GPHN: variants seen among roughly 807,000 people sequenced by gnomAD.
The protein encoded by GPHN is gephyrin.
GPHN carries 17 observed loss-of-function variants against 95.5 expected under a neutral mutation model. That is an observed-to-expected ratio of 0.18 (90% CI 0.12 to 0.27). The LOEUF is 0.27. Ranked by LOEUF, GPHN falls within the 10% of genes least tolerant of loss-of-function variation. The pLI is 1.00. For missense variants in GPHN, 660 were observed against 978.1 expected (o/e 0.67, Z 4.34); for synonymous variants, 320 against 322.5 (o/e 0.99, Z 0.08).
At chr14:67,464,834 G>GA in the GPHN span, among the ~76,000 whole-genome samples, 2 of 152,136 alleles carry the variant, frequency 1.3e-5, no homozygotes, top group Non-Finnish European at 2.9e-5. Context: ...TTTCAACCTG[G>GA]AGTGCCTGCT....
At chr14:66,620,295 G>GT (rs1412901853) in intron 1 of GPHN, among the ~76,000 whole-genome samples, 17 of 152,118 alleles carry the variant, frequency 1.1e-4, no homozygotes, top group African/African-American at 3.4e-4. Flanking sequence ...GTAAACTAAT[G>GT]TATTAGTCCA....
chr14:67,241,015 A>T, the GPHN span: 2 of 152,232 alleles, frequency 1.3e-5, no homozygotes, highest in Non-Finnish European at 2.9e-5. Flanking sequence ...GAGCCAAGGG[A>T]TGTAGAAACC....
chr14:67,448,634 G>T, the GPHN span, among the ~76,000 whole-genome samples: 1 of 152,066 alleles, frequency 6.6e-6, no homozygotes. Context: ...GAGGGATGGT[G>T]GGGGGCTGTG....
chr14:67,475,769 C>G, the GPHN span, among the ~76,000 whole-genome samples: 562 of 152,278 alleles, frequency 3.7e-3, 6 homozygotes, highest in African/African-American at 0.013. Context: ...CTTCAACGCC[C>G]GGCTCCCATG....
At chr14:67,392,761 C>T in the GPHN span, 1 of 1,613,914 alleles carries the variant, frequency 6.2e-7, no homozygotes, top group South Asian at 1.1e-5. Flanking sequence ...TGAGGAAGTT[C>T]TCCTCCATGA....
At chr14:66,693,151 C>T (rs2067889192) in intron 2 of GPHN, among the ~76,000 whole-genome samples, 1 of 151,988 alleles carries the variant, frequency 6.6e-6, no homozygotes. Context: ...TTATAAATCT[C>T]TATAATCTCT....
intron 1 of GPHN, among the ~76,000 whole-genome samples, chr14:66,554,274 G>A (rs1364808004): frequency 1.3e-5 from 2 of 152,210 alleles, no homozygotes; most frequent in Non-Finnish European, 2.9e-5. Context: ...AGACAAGTAG[G>A]ACTGTGGCTT....
chr14:67,199,879 G>C, the GPHN span: 1 of 1,491,706 alleles, frequency 6.7e-7, no homozygotes, highest in African/African-American at 1.4e-5. Context: ...TGCAGGACAT[G>C]GCCCCCCATC....
chr14:66,972,995 T>C (rs2069924048), intron 9 of GPHN, among the ~76,000 whole-genome samples: 1 of 152,216 alleles, frequency 6.6e-6, no homozygotes, highest in South Asian at 2.1e-4. Flanking sequence ...AAAATAATTT[T>C]GACTTTGTCA....
the GPHN span, chr14:67,199,941 C>G: frequency 2.9e-6 from 4 of 1,388,830 alleles, no homozygotes; most frequent in Non-Finnish European, 3.9e-6. Flanking sequence ...CCCAAGCTCA[C>G]CCATTCCCAC....
the GPHN span, among the ~76,000 whole-genome samples, chr14:67,450,314 G>A: frequency 6.6e-6 from 1 of 152,154 alleles, no homozygotes; most frequent in Non-Finnish European, 1.5e-5. Flanking sequence ...GTAGAGTGGG[G>A]CACTGCTGAA....
At chr14:67,306,026 G>C in the GPHN span, among the ~76,000 whole-genome samples, 3 of 152,262 alleles carry the variant, frequency 2.0e-5, no homozygotes, top group East Asian at 5.8e-4. Flanking sequence ...GAGGCAAGCA[G>C]TGGCACCATC....
the GPHN span, among the ~76,000 whole-genome samples, chr14:67,445,588 T>C: frequency 7.7e-6 from 1 of 130,292 alleles, no homozygotes; most frequent in Non-Finnish European, 1.6e-5. Flanking sequence ...TTTTTTTTTT[T>C]TTTTTTTTTT....
chr14:66,786,836 T>G (rs2059794271), intron 3 of GPHN, among the ~76,000 whole-genome samples: 1 of 152,062 alleles, frequency 6.6e-6, no homozygotes, highest in South Asian at 2.1e-4. Flanking sequence ...CCATTCATAA[T>G]AAGAACTCTC....
the GPHN span, among the ~76,000 whole-genome samples, chr14:67,603,808 A>G: frequency 2.0e-5 from 3 of 152,156 alleles, no homozygotes; most frequent in African/African-American, 7.2e-5. Context: ...CAGCCTCCCA[A>G]GTAGCTGGGA....
At chr14:67,243,515 C>T in the GPHN span, among the ~76,000 whole-genome samples, 1 of 94,528 alleles carries the variant, frequency 1.1e-5, no homozygotes, top group Non-Finnish European at 2.0e-5. Flanking sequence ...TTTTTTGAGA[C>T]GGAGTCTCGC....
At chr14:66,893,285 A>G (rs1218091620) in intron 5 of GPHN, among the ~76,000 whole-genome samples, 1 of 152,122 alleles carries the variant, frequency 6.6e-6, no homozygotes, top group Non-Finnish European at 1.5e-5. Flanking sequence ...CAACTGAGGT[A>G]CCGGGTTCAT....
chr14:67,559,528 T>C, the GPHN span: 2 of 974,530 alleles, frequency 2.1e-6, no homozygotes, highest in African/African-American at 3.2e-5. Flanking sequence ...ACACTTGGCC[T>C]TTCTTGGGGT....
At chr14:67,256,813 C>CACACACACAA in the GPHN span, among the ~76,000 whole-genome samples, 1 of 152,000 alleles carries the variant, frequency 6.6e-6, no homozygotes, top group African/African-American at 2.4e-5. Flanking sequence ...CACACACACA[C>CACACACACAA]ACACACACAC....
Sources: allele counts gnomAD v4.1 joint callset (sites outside exome capture counted in the v4.1 genomes callset), GRCh38; gene constraint gnomAD v4.1.1; transcripts MANE v1.5; gene names NCBI Gene and HGNC (gene_info 2026-07-23, HGNC 2026-07-21).